The following SLC14A1 variants were observed in gnomAD, a reference collection of about 807,000 sequenced individuals.
SLC14A1 encodes urea transporter 1.
SLC14A1 carries 36 observed loss-of-function variants against 39.6 expected under a neutral mutation model. The observed-to-expected ratio is 0.91, with a 90% confidence interval of 0.70 to 1.20. The LOEUF (loss-of-function observed/expected upper bound fraction) is 1.20. Ranked by LOEUF, SLC14A1 falls within the 50% of genes most tolerant of loss-of-function variation. SLC14A1 has a pLI of 0.00. For synonymous variants in SLC14A1, 164 were observed against 173.6 expected (o/e 0.94, Z 0.43); for missense variants, 469 against 478.7 (o/e 0.98, Z 0.19).
intron 8 of SLC14A1, among the ~76,000 whole-genome samples, chr18:45,742,345 G>GT (rs201195351): frequency 3.3e-5 from 4 of 119,976 alleles, no homozygotes; most frequent in East Asian, 4.9e-4. Context: ...GTTGTTTTTT[G>GT]TTTTTTGGTT....
chr18:45,738,186 C>A (rs2047253307), intron 6 of SLC14A1, among the ~76,000 whole-genome samples: 1 of 152,210 alleles, frequency 6.6e-6, no homozygotes, highest in South Asian at 2.1e-4. Flanking sequence ...GGAGAAGACA[C>A]TTCCCCTTGT....
chr18:45,726,638 A>G (rs553109174), intron 2 of SLC14A1: 2 of 152,326 alleles, frequency 1.3e-5, no homozygotes, highest in African/African-American at 4.8e-5. Context: ...CTAAAAAAAA[A>G]TAAAATAAAT....
chr18:45,744,640 CT>C (rs28985571), intron 8 of SLC14A1, among the ~76,000 whole-genome samples: 4,890 of 152,062 alleles, frequency 0.032, 280 homozygotes, highest in African/African-American at 0.11. Context: ...CTAGATGTAA[CT>C]TTTTTTTCTA....
chr18:45,748,489 T>C (rs1178973303), intron 9 of SLC14A1, 64 bp downstream of exon 9: 2 of 1,545,398 alleles, frequency 1.3e-6, no homozygotes, highest in Non-Finnish European at 1.8e-6. Flanking sequence ...ATATGGGAAA[T>C]GCTCCTGAAG....
In SLC14A1 at chr18:45,751,234, G is replaced by T; in HGVS notation, c.*1283G>T. 1 of 429,518 alleles carries T rather than the reference G, an allele frequency of 2.3e-6. No individual in the cohort carries two copies. The highest frequency in any genetic ancestry group is 3.1e-6 in the Non-Finnish European group (1 of 322,660). 26.6% of individuals were successfully genotyped at this position (429,518 alleles called of 1,614,324 possible). On this transcript the variant is annotated 3_prime_UTR_variant, in exon 10 of 10. Transcript: ENST00000321925. The stretch of plus-strand genomic sequence containing the variant: ...GGGTGCCTGTAGTTCCAGCTACTTG[G>T]GAGGCTGAGGTGGGAAAATGACTTG...
chr18:45,727,228 T>C (rs1423147928), intron 2 of SLC14A1: 14 of 1,546,738 alleles, frequency 9.1e-6, no homozygotes, highest in Non-Finnish European at 1.2e-5. Context: ...GTCATGCTGA[T>C]TCACATATTT....
chr18:45,730,292 C>G lies in SLC14A1; in HGVS notation c.-21-8C>G. Reference sequence around the variant, plus strand: ...AGGGATACTTATAAGCTCTGTCCTTCCCTCAAGGAGCCAGAGGAAGAGATA... The same window carrying G: ...AGGGATACTTATAAGCTCTGTCCTTGCCTCAAGGAGCCAGAGGAAGAGATA... On this transcript the variant is annotated splice_polypyrimidine_tract_variant and splice_region_variant and intron_variant, in intron 2 of 9. Coordinates refer to ENST00000321925, the MANE Select transcript of SLC14A1 (RefSeq NM_015865.7). 6.2e-7 allele frequency: 1 copy of G among 1,610,762 alleles called. No homozygotes were observed. Among genetic ancestry groups the G allele is most frequent in the Non-Finnish European group, 8.5e-7 (1 of 1,177,936 alleles).
rs1397583795 is a variant in SLC14A1, at chr18:45,736,340, A to G, written c.471-116A>G. 4.2e-6 allele frequency: 4 copies of G among 956,998 alleles called. No homozygotes were observed. In the East Asian group the frequency reaches 7.3e-5, roughly 17 times the overall value. The allele number at this position is 956,998 out of a possible 1,614,324, so 59.3% of individuals were successfully genotyped here. A position where few individuals can be genotyped will look rare whatever the true frequency, so the allele number is the denominator to read the frequency against. On this transcript the variant is annotated intron_variant, in intron 5 of 9. Transcript: ENST00000321925. ...TTTTCTTTCTGTGGCAAATGTGCCA[A>G]CACAACACGTAAGGGGCCTGTTGGC...
At chr18:45,727,637 A>G (rs2144736667) in intron 2 of SLC14A1, among the ~76,000 whole-genome samples, 1 of 152,322 alleles carries the variant, frequency 6.6e-6, no homozygotes, top group Admixed American at 6.5e-5. Flanking sequence ...AGCTGGGGAT[A>G]AGTCACCTGG....
At chr18:45,735,738 G>T (rs1350983872) in intron 5 of SLC14A1, among the ~76,000 whole-genome samples, 2 of 152,170 alleles carry the variant, frequency 1.3e-5, no homozygotes, top group Non-Finnish European at 2.9e-5. Context: ...TGGGAAGGAG[G>T]CCTAGCCTGT....
chr18:45,740,551 AAAG>A (rs1408047411), intron 8 of SLC14A1, among the ~76,000 whole-genome samples: 1 of 151,620 alleles, frequency 6.6e-6, no homozygotes, highest in African/African-American at 2.4e-5. Flanking sequence ...AAAGAAAAAA[AAAG>A]AAAAAGGGTC....
In SLC14A1 at chr18:45,752,229, A is replaced by T. The variant is rs1029198556; in HGVS notation, c.*2278A>T. On this transcript the variant is annotated 3_prime_UTR_variant, in exon 10 of 10. Coordinates refer to ENST00000321925, the MANE Select transcript of SLC14A1 (RefSeq NM_015865.7). ...GAAAAAAAAGCAAGCATAACCAAAG[A>T]TCATCAGCAGTGAAGAATCTAGGCT... 9 of 985,264 alleles carry T rather than the reference A, an allele frequency of 9.1e-6. No homozygotes were observed. The highest frequency in any genetic ancestry group is 7.0e-5 in the African/African-American group (4 of 57,222). 61.0% of individuals were successfully genotyped at this position (985,264 alleles called of 1,614,324 possible). A position where few individuals can be genotyped will look rare whatever the true frequency, so the allele number is the denominator to read the frequency against.
intron 8 of SLC14A1, among the ~76,000 whole-genome samples, chr18:45,742,465 T>C (rs552747921): frequency 1.3e-5 from 2 of 148,308 alleles, no homozygotes; most frequent in Admixed American, 1.4e-4. Flanking sequence ...GTTCAAGCGG[T>C]TCTCCTGCCT....
In SLC14A1 at chr18:45,751,963, A is replaced by G. The variant is rs1168366917; in HGVS notation, c.*2012A>G. 2 of 985,300 alleles carry G rather than the reference A, an allele frequency of 2.0e-6. No homozygotes were observed. Among genetic ancestry groups the G allele is most frequent in the Non-Finnish European group, 2.4e-6 (2 of 829,934 alleles). 61.0% of individuals were successfully genotyped at this position (985,300 alleles called of 1,614,324 possible). A position where few individuals can be genotyped will look rare whatever the true frequency, so the allele number is the denominator to read the frequency against. On this transcript the variant is annotated 3_prime_UTR_variant, in exon 10 of 10. Transcript: ENST00000321925. Reference sequence around the variant, plus strand: ...GCACAATATACATTTTGCTGAATGAATAAACAGAAATAGGGAAGTAAACCT... The same window carrying G: ...GCACAATATACATTTTGCTGAATGAGTAAACAGAAATAGGGAAGTAAACCT...
chr18:45,733,882 C>T (rs538053084), intron 4 of SLC14A1, among the ~76,000 whole-genome samples: 10 of 151,960 alleles, frequency 6.6e-5, no homozygotes, highest in Non-Finnish European at 1.5e-4. Context: ...CATAAGAGTG[C>T]GAACCCCATT....
intron 7 of SLC14A1, 91 bp from the exon 8 acceptor site, chr18:45,739,437 A>G: frequency 6.2e-7 from 1 of 1,606,600 alleles, no homozygotes; most frequent in Non-Finnish European, 8.5e-7. Flanking sequence ...AGTTCCCGGG[A>G]TGCTTCCTGC....
intron 4 of SLC14A1, among the ~76,000 whole-genome samples, chr18:45,732,931 T>C (rs2047076640): frequency 1.3e-5 from 2 of 152,164 alleles, no homozygotes; most frequent in African/African-American, 2.4e-5. Context: ...ATAAAAAGGA[T>C]TGAAATCAAG....
rs1460529126 is a variant in SLC14A1, at chr18:45,734,539, G to A, written c.470+137G>A. Reference sequence around the variant, plus strand: ...CTCTGAATGTATAGTGGTGATGGTTGTACAACAATGTGATTGTCCTTAATG... The same window carrying A: ...CTCTGAATGTATAGTGGTGATGGTTATACAACAATGTGATTGTCCTTAATG... On this transcript the variant is annotated intron_variant, in intron 5 of 9. Transcript: ENST00000321925. The A allele has an allele frequency of 1.2e-5, 11 of 923,210 alleles. No homozygotes were observed. The Admixed American group carries it at 2.2e-4, about 19-fold the overall frequency. 57.2% of individuals were successfully genotyped at this position (923,210 alleles called of 1,614,324 possible).
At chr18:45,732,729 C>T (rs796466433) in intron 4 of SLC14A1, among the ~76,000 whole-genome samples, 2 of 152,184 alleles carry the variant, frequency 1.3e-5, no homozygotes, top group Non-Finnish European at 1.5e-5. Flanking sequence ...ACTCCCCCAT[C>T]CCCCTACAGA....
Sources: allele counts gnomAD v4.1 joint callset (sites outside exome capture counted in the v4.1 genomes callset), GRCh38; gene constraint gnomAD v4.1.1; transcripts MANE v1.5; gene names NCBI Gene and HGNC (gene_info 2026-07-23, HGNC 2026-07-21).